Variants in GABRR2 observed in about 807,000 individuals in gnomAD.
GABRR2 encodes the protein gamma-aminobutyric acid type A receptor subunit rho2.
GABRR2 carries 36 observed loss-of-function variants against 47.0 expected under a neutral mutation model. The ratio of observed to expected loss-of-function variants is 0.77; its 90% confidence interval spans 0.59 to 1.01. The LOEUF (loss-of-function observed/expected upper bound fraction) is 1.01. GABRR2 is among the 50% of genes least tolerant of loss of function. The pLI is 0.00. For missense variants in GABRR2, 587 were observed against 594.6 expected, an observed-to-expected ratio of 0.99 and a Z score of 0.13; for synonymous variants, 204 against 227.5, an observed-to-expected ratio of 0.90 and a Z score of 0.93.
intron 8 of GABRR2, among the ~76,000 whole-genome samples, chr6:89,260,033 G>T (rs938697223): frequency 6.6e-6 from 1 of 151,490 alleles, no homozygotes; most frequent in Admixed American, 6.6e-5. Flanking sequence ...TCAACCTCCC[G>T]AGTAGCTGGG....
At chr6:89,262,642 A>T (rs894736542) in intron 8 of GABRR2, among the ~76,000 whole-genome samples, 1 of 152,254 alleles carries the variant, frequency 6.6e-6, no homozygotes, top group African/African-American at 2.4e-5. Flanking sequence ...TTGAAAAGGC[A>T]ACATATTCTC....
chr6:89,269,409 AT>A, intron 3 of GABRR2, 175 bp from the exon 4 acceptor site: 1 of 604,068 alleles, frequency 1.7e-6, no homozygotes, highest in South Asian at 2.0e-5. Context: ...AGAATAGCTC[AT>A]TTTTATGCAT....
At chr6:89,289,876 C>T (rs367819099) in intron 2 of GABRR2, among the ~76,000 whole-genome samples, 16 of 152,290 alleles carry the variant, frequency 1.1e-4, no homozygotes, top group South Asian at 2.1e-4. Flanking sequence ...GTGAGGGCCT[C>T]GTGCCACGTC....
intron 2 of GABRR2, among the ~76,000 whole-genome samples, chr6:89,280,245 T>C (rs1026339128): frequency 1.0e-4 from 12 of 119,392 alleles, no homozygotes; most frequent in South Asian, 8.1e-4. Context: ...TATATATATA[T>C]ATATATATAC....
chr6:89,284,870 G>A (rs1774307580), intron 2 of GABRR2, among the ~76,000 whole-genome samples: 1 of 152,186 alleles, frequency 6.6e-6, no homozygotes, highest in Non-Finnish European at 1.5e-5. Flanking sequence ...TAGAGTGTCT[G>A]AGGTGGACTA....
chr6:89,276,126 T>C (rs1562366397), intron 2 of GABRR2, among the ~76,000 whole-genome samples: 1 of 147,684 alleles, frequency 6.8e-6, no homozygotes, highest in South Asian at 2.1e-4. Flanking sequence ...TCATTATTTA[T>C]ATTATATACA....
chr6:89,285,295 T>C (rs1157568456), intron 2 of GABRR2, among the ~76,000 whole-genome samples: 1 of 152,234 alleles, frequency 6.6e-6, no homozygotes, highest in African/African-American at 2.4e-5. Context: ...GACTTTGCAT[T>C]TGCTGCATGT....
intron 1 of GABRR2, among the ~76,000 whole-genome samples, chr6:89,306,038 AAAG>A (rs1431644107): frequency 1.7e-4 from 26 of 151,738 alleles, no homozygotes; most frequent in African/African-American, 5.3e-4. Context: ...AAAAAAAGAA[AAAG>A]AAAATGATTG....
chr6:89,265,426 G>A (rs1460475208), intron 7 of GABRR2, among the ~76,000 whole-genome samples, 187 bp downstream of exon 7: 1 of 152,072 alleles, frequency 6.6e-6, no homozygotes, highest in Non-Finnish European at 1.5e-5. Context: ...AGCTCCCTGT[G>A]GCTCTCATAA....
At chr6:89,292,009 A>G (rs750984520) in intron 2 of GABRR2, among the ~76,000 whole-genome samples, 14 of 152,106 alleles carry the variant, frequency 9.2e-5, no homozygotes, top group East Asian at 1.9e-4. Flanking sequence ...CCTTCCAACT[A>G]GAGCATAAAC....
chr6:89,270,448 G>C (rs1040826778), intron 3 of GABRR2: 1 of 152,256 alleles, frequency 6.6e-6, no homozygotes, highest in Admixed American at 6.5e-5. Context: ...AGACATCTGG[G>C]TTGATTCAGT....
At chr6:89,310,050 AG>A (rs1457885366) in intron 1 of GABRR2, among the ~76,000 whole-genome samples, 1 of 150,798 alleles carries the variant, frequency 6.6e-6, no homozygotes, top group Admixed American at 6.6e-5. Flanking sequence ...TACAGGCATG[AG>A]ACACCATCCT....
chr6:89,293,308 G>A (rs1774501746), intron 2 of GABRR2, among the ~76,000 whole-genome samples: 1 of 152,138 alleles, frequency 6.6e-6, no homozygotes, highest in Non-Finnish European at 1.5e-5. Flanking sequence ...CAGAGAAATA[G>A]GGAATTCTTG....
chr6:89,269,245 C>G lies in GABRR2; in HGVS notation c.289-11G>C, dbSNP rs569842676. ...GGTCATAGTGAAGTCCTGTGGGAGC[C>G]GGGGTGAGACCAGACAAAAATGGCT... On this transcript the variant is annotated splice_polypyrimidine_tract_variant and intron_variant, in intron 3 of 8. Transcript: ENST00000402938. 9.3e-6 allele frequency: 15 copies of G among 1,609,666 alleles called. No homozygotes were observed. Among genetic ancestry groups the G allele is most frequent in the Non-Finnish European group, 1.0e-5 (12 of 1,176,026 alleles).
In GABRR2 at chr6:89,254,836, G is replaced by A. The variant is rs990350896; in HGVS notation, c.*2834C>T. Among the ~76,000 whole-genome samples the A allele has an allele frequency of 6.6e-6, 1 of 152,040 alleles. No individual in the cohort carries two copies. Among genetic ancestry groups the A allele is most frequent in the Non-Finnish European group, 1.5e-5 (1 of 68,026 alleles). Reference sequence around the variant, plus strand: ...TGTCAGACTAGTATACTGTAATAAGGCAATGCTAAATACAATGGTGTCATT... The same window carrying A: ...TGTCAGACTAGTATACTGTAATAAGACAATGCTAAATACAATGGTGTCATT... On this transcript the variant is annotated 3_prime_UTR_variant, in exon 9 of 9. Coordinates refer to ENST00000402938, the MANE Select transcript of GABRR2 (RefSeq NM_002043.5).
intron 2 of GABRR2, among the ~76,000 whole-genome samples, chr6:89,295,013 G>A (rs1774531573): frequency 6.6e-6 from 1 of 151,960 alleles, no homozygotes; most frequent in Non-Finnish European, 1.5e-5. Flanking sequence ...GTGTATATGT[G>A]CCACATTTTC....
intron 3 of GABRR2, chr6:89,270,374 G>A (rs910552601): frequency 5.3e-5 from 8 of 152,230 alleles, no homozygotes; most frequent in Non-Finnish European, 8.8e-5. Context: ...TGAGAGGCAG[G>A]TCATTCTAGA....
intron 2 of GABRR2, among the ~76,000 whole-genome samples, chr6:89,290,338 A>C (rs2127843517): frequency 6.6e-6 from 1 of 152,288 alleles, no homozygotes; most frequent in East Asian, 1.9e-4. Context: ...CTGTGCATGC[A>C]TGTGGTCACC....
intron 2 of GABRR2, among the ~76,000 whole-genome samples, chr6:89,293,253 G>A (rs1415608974): frequency 1.3e-5 from 2 of 152,162 alleles, no homozygotes; most frequent in African/African-American, 2.4e-5. Flanking sequence ...AGTCAATTAT[G>A]GAGACAGAAA....
Sources: allele counts gnomAD v4.1 joint callset (sites outside exome capture counted in the v4.1 genomes callset), GRCh38; gene constraint gnomAD v4.1.1; transcripts MANE v1.5; gene names NCBI Gene and HGNC (gene_info 2026-07-23, HGNC 2026-07-21).